Variants in LRPAP1 observed in about 807,000 individuals in gnomAD.
LRPAP1 encodes the protein alpha-2-macroglobulin receptor-associated protein.
Under a neutral mutation model 39.9 loss-of-function variants are expected in LRPAP1, and 41 were observed. The observed-to-expected ratio is 1.03, with a 90% CI of 0.80 to 1.33. The LOEUF is 1.33. Ranked by LOEUF, LRPAP1 falls within the 40% of genes most tolerant of loss-of-function variation. LRPAP1 has a pLI of 0.00. For synonymous variants in LRPAP1, 263 were observed against 212.7 expected, an observed-to-expected ratio of 1.24 and a Z score of -2.06; for missense variants, 565 against 482.3, an observed-to-expected ratio of 1.17 and a Z score of -1.61.
intron 1 of LRPAP1, among the ~76,000 whole-genome samples, chr4:3,530,248 A>G (rs1730208719): frequency 6.6e-6 from 1 of 152,264 alleles, no homozygotes; most frequent in Admixed American, 6.5e-5. Context: ...GAGAACCTCA[A>G]AAAGACCCGG....
rs1431598044 is a variant in LRPAP1, at chr4:3,532,339, G to A, written c.74C>T (p.Pro25Leu). The A allele has an allele frequency of 1.9e-6, 3 of 1,591,948 alleles. No individual in the cohort carries two copies. Among genetic ancestry groups the A allele is most frequent in the Admixed American group, 1.7e-5 (1 of 57,502 alleles). ...GCCGCCGTGGCTCGCAGCGGGCCAGGGCCCGAGGAAGAGCAGCAGCAGTAG... is the reference window on the plus strand; with the variant it reads ...GCCGCCGTGGCTCGCAGCGGGCCAGAGCCCGAGGAAGAGCAGCAGCAGTAG... ...ALLLLLLFLG[P>L]WPAASHGGKY... The change falls in exon 1 of 8, where the codon CCC becomes CTC. Residue 25 changes from proline to leucine, a missense_variant. Pro to Leu is a moderately conservative substitution (Grantham distance 98). Transcript: ENST00000650182.
rs778685796 is a variant in LRPAP1, at chr4:3,505,776, C to T, written c.*7198G>A. Among the ~76,000 whole-genome samples the T allele has an allele frequency of 1.2e-4, 19 of 152,250 alleles. No individual in the cohort carries two copies. The highest frequency in any genetic ancestry group is 2.4e-4 in the Non-Finnish European group (16 of 68,052). On this transcript the variant is annotated 3_prime_UTR_variant, in exon 8 of 8. Transcript: ENST00000650182. ...CCGTCTATACCACCACCCTGGATTA[C>T]AACTCGGCAAGATGCTGGGGAGGTT...
rs891768224 is a variant in LRPAP1, at chr4:3,511,476, A to C, written c.*1498T>G. 1 of 152,170 alleles carries C rather than the reference A, an allele frequency of 6.6e-6. No homozygotes were observed. The highest frequency in any genetic ancestry group is 1.9e-4 in the East Asian group (1 of 5,162). 9.4% of individuals were successfully genotyped at this position (152,170 alleles called of 1,614,324 possible). On this transcript the variant is annotated 3_prime_UTR_variant, in exon 8 of 8. Transcript: ENST00000650182. ...CTCTCAGGATAATGGGAAAAAAAAG[A>C]ACCAGAATCCACCCCCCGCCCCACC...
chr4:3,507,717 A>G lies in LRPAP1; in HGVS notation c.*5257T>C, dbSNP rs529018083. The stretch of plus-strand genomic sequence containing the variant: ...AAAATAGGTAGAAGAAAGGAAATTC[A>G]TAAGAAAAGAGCAAAAGTCAATGAA... On this transcript the variant is annotated 3_prime_UTR_variant, in exon 8 of 8. Coordinates refer to ENST00000650182, the MANE Select transcript of LRPAP1 (RefSeq NM_002337.4). 1.4e-4 allele frequency: 22 copies of G among 152,298 alleles called. No individual in the cohort carries two copies. The highest frequency in any genetic ancestry group is 1.9e-4 in the East Asian group (1 of 5,178). 9.4% of individuals were successfully genotyped at this position (152,298 alleles called of 1,614,324 possible).
Position 3,516,101 on chromosome 4 carries a change from G to T in LRPAP1, c.834+15C>A, listed in dbSNP as rs1378571722. 6.4e-7 allele frequency: 1 copy of T among 1,561,858 alleles called. No homozygotes were observed. Among genetic ancestry groups the T allele is most frequent in the Non-Finnish European group, 8.7e-7 (1 of 1,152,108 alleles). ...CACAGGAGAGAGCTAGAAGGAGAGG[G>T]CCGTGTTTCCTTACCCGGAACGCCT... On this transcript the variant is annotated intron_variant, in intron 6 of 7. Coordinates refer to ENST00000650182, the MANE Select transcript of LRPAP1 (RefSeq NM_002337.4).
intron 6 of LRPAP1, 37 bp downstream of exon 6, chr4:3,516,079 A>G: frequency 6.5e-7 from 1 of 1,542,862 alleles, no homozygotes; most frequent in Non-Finnish European, 8.8e-7. Context: ...TCTTCACCAC[A>G]GGAGAGAGCT....
At position 3,520,198 on chromosome 4, in the gene LRPAP1, G is replaced by T; in HGVS notation, c.350-5C>A. ...GACCATACTTGGCCAAGATGACTAGGAGAGAGGGGAGGTTCTATTTGATAT... is the reference window on the plus strand; with the variant it reads ...GACCATACTTGGCCAAGATGACTAGTAGAGAGGGGAGGTTCTATTTGATAT... On this transcript the variant is annotated splice_polypyrimidine_tract_variant and splice_region_variant and intron_variant, in intron 2 of 7. Coordinates refer to ENST00000650182, the MANE Select transcript of LRPAP1 (RefSeq NM_002337.4). 3 of 1,612,760 alleles carry T rather than the reference G, an allele frequency of 1.9e-6. No homozygotes were observed. Among genetic ancestry groups the T allele is most frequent in the Non-Finnish European group, 2.5e-6 (3 of 1,179,120 alleles).
rs970621166 is a variant in LRPAP1 at position 3,504,686 on chromosome 4, G to A, written c.*8288C>T. Among the ~76,000 whole-genome samples the A allele has an allele frequency of 1.3e-5, 2 of 148,964 alleles. No individual in the cohort carries two copies. Among genetic ancestry groups the A allele is most frequent in the African/African-American group, 5.0e-5 (2 of 40,396 alleles). On this transcript the variant is annotated 3_prime_UTR_variant, in exon 8 of 8. Transcript: ENST00000650182. ...AATTTCTTGAACCCAGGAGGTGGAG[G>A]TTGCAGTGAGCCAAGATTGCGCCAT...
Position 3,506,107 on chromosome 4 carries a change from T to C in LRPAP1, c.*6867A>G, listed in dbSNP as rs1053030701. On this transcript the variant is annotated 3_prime_UTR_variant, in exon 8 of 8. Transcript: ENST00000650182. ...AGACAGAGTCTTGCTCTGTTATCCA[T>C]GCTGGAGAGCAATGGCACGATTTTG... Among the ~76,000 whole-genome samples the C allele has an allele frequency of 1.3e-4, 20 of 152,300 alleles. No homozygotes were observed. Among genetic ancestry groups the C allele is most frequent in the Non-Finnish European group, 2.6e-4 (18 of 68,006 alleles).
chr4:3,528,989 A>T (rs1730160701), intron 1 of LRPAP1, among the ~76,000 whole-genome samples: 1 of 152,098 alleles, frequency 6.6e-6, no homozygotes, highest in Non-Finnish European at 1.5e-5. Flanking sequence ...AAGATGCTTC[A>T]CACACTCTCA....
chr4:3,512,761 A>T lies in LRPAP1; in HGVS notation c.*213T>A. 3.6e-6 allele frequency: 2 copies of T among 557,600 alleles called. No individual in the cohort carries two copies. Among genetic ancestry groups the T allele is most frequent in the Non-Finnish European group, 6.4e-6 (2 of 313,438 alleles). 34.5% of individuals were successfully genotyped at this position (557,600 alleles called of 1,614,324 possible). A position where few individuals can be genotyped will look rare whatever the true frequency, so the allele number is the denominator to read the frequency against. On this transcript the variant is annotated 3_prime_UTR_variant, in exon 8 of 8. Coordinates refer to ENST00000650182, the MANE Select transcript of LRPAP1 (RefSeq NM_002337.4). ...GAGTGGAAGCCAAGCCCCTTCAGTCAGAGCTGGGCCGATCTCAGACCCAAA... is the reference window on the plus strand; with the variant it reads ...GAGTGGAAGCCAAGCCCCTTCAGTCTGAGCTGGGCCGATCTCAGACCCAAA...
At chr4:3,515,599 C>G (rs576581508) in intron 6 of LRPAP1, among the ~76,000 whole-genome samples, 2 of 152,266 alleles carry the variant, frequency 1.3e-5, no homozygotes, top group Non-Finnish European at 2.9e-5. Flanking sequence ...AGGCTGCCCA[C>G]CCAGGACCCC....
chr4:3,514,714 G>A (rs781093415), intron 7 of LRPAP1, 38 bp downstream of exon 7: 2 of 1,562,056 alleles, frequency 1.3e-6, no homozygotes, highest in Admixed American at 1.8e-5. Context: ...TTCCTGCAGG[G>A]GAACTGTGGC....
chr4:3,521,568 G>A (rs986884881), intron 2 of LRPAP1, among the ~76,000 whole-genome samples: 2 of 152,154 alleles, frequency 1.3e-5, no homozygotes, highest in Admixed American at 1.3e-4. Context: ...ACACCACCCT[G>A]GCCTCTGATC....
intron 2 of LRPAP1, among the ~76,000 whole-genome samples, chr4:3,520,613 G>A (rs573218553): frequency 6.6e-6 from 1 of 152,240 alleles, no homozygotes; most frequent in Non-Finnish European, 1.5e-5. Context: ...CTCACCTGCT[G>A]CCATAGGGCA....
At chr4:3,525,275 G>A in intron 1 of LRPAP1, 1 of 542,226 alleles carries the variant, frequency 1.8e-6, no homozygotes, top group Admixed American at 3.1e-5. Flanking sequence ...GAAACCCCAA[G>A]TCCATCGGGG....
At chr4:3,515,061 G>T in intron 6 of LRPAP1, 133 bp from the exon 7 acceptor site, 2 of 961,742 alleles carry the variant, frequency 2.1e-6, no homozygotes, top group Non-Finnish European at 3.1e-6. Context: ...GGTGACATGG[G>T]CAATGAGGGG....
At chr4:3,523,129 G>A (rs553685866) in intron 2 of LRPAP1, among the ~76,000 whole-genome samples, 1 of 152,306 alleles carries the variant, frequency 6.6e-6, no homozygotes, top group East Asian at 1.9e-4. Context: ...CACAGACCTG[G>A]ACACCCTGCA....
At chr4:3,523,465 T>C (rs1464527906) in intron 2 of LRPAP1, among the ~76,000 whole-genome samples, 1 of 152,190 alleles carries the variant, frequency 6.6e-6, no homozygotes, top group Non-Finnish European at 1.5e-5. Context: ...CCTCTGTCTT[T>C]AACCCGGGCG....
Sources: gnomAD v4.1 joint callset for allele counts (sites outside exome capture counted in the v4.1 genomes callset) on GRCh38, gnomAD v4.1.1 for gene constraint, MANE v1.5 for transcripts, NCBI Gene and HGNC (gene_info 2026-07-23, HGNC 2026-07-21) for gene names.